CACNA1B: variants seen among roughly 807,000 people sequenced by gnomAD.
CACNA1B encodes voltage-dependent N-type calcium channel subunit alpha-1B.
A neutral mutation model predicts 247.2 loss-of-function variants in CACNA1B; 70 were observed. The observed-to-expected ratio is 0.28, with a 90% confidence interval of 0.23 to 0.35. The LOEUF (loss-of-function observed/expected upper bound fraction) is 0.35, where lower values mean the gene tolerates loss of function less well. CACNA1B is among the 10% of genes least tolerant of loss of function. The pLI, the probability that CACNA1B is intolerant of heterozygous loss-of-function variation, is 1.00. For synonymous variants in CACNA1B, 1,231 were observed against 1,294.4 expected (o/e 0.95, Z 1.05); for missense variants, 2,367 against 3,197.4 (o/e 0.74, Z 6.26).
At chr9:137,939,851 A>AAATAAATAAATAAAT (rs1564198569) in intron 6 of CACNA1B, among the ~76,000 whole-genome samples, 1 of 76,538 alleles carries the variant, frequency 1.3e-5, no homozygotes, top group African/African-American at 1.4e-4. Context: ...AATAAATAAA[A>AAATAAATAAATAAAT]AAAAATAAAA....
In CACNA1B at chr9:138,049,140, C is replaced by T. The variant is rs955226068; in HGVS notation, c.3604-69C>T. 7.8e-6 allele frequency: 8 copies of T among 1,026,476 alleles called. No individual in the cohort carries two copies. In the Admixed American group the frequency reaches 1.0e-4, roughly 13 times the overall value. 63.6% of individuals were successfully genotyped at this position (1,026,476 alleles called of 1,614,324 possible). ...CAAGTGCTGAGATTACAGGCATGAG[C>T]CTCTGCACCTGGCCTCTGCCTGTCT... On this transcript the variant is annotated intron_variant, in intron 23 of 46. Transcript: ENST00000371372.
chr9:137,994,383 A>C (rs1958471623), intron 15 of CACNA1B, among the ~76,000 whole-genome samples: 1 of 152,250 alleles, frequency 6.6e-6, no homozygotes, highest in South Asian at 2.1e-4. Flanking sequence ...AGGGCATCCA[A>C]ATCGGTAAAG....
At chr9:138,017,659 C>T (rs557235628) in intron 18 of CACNA1B, among the ~76,000 whole-genome samples, 2 of 152,314 alleles carry the variant, frequency 1.3e-5, no homozygotes, top group East Asian at 3.9e-4. Flanking sequence ...GTCTGTGATT[C>T]TCAGGAAGTC....
rs1032168612 is a variant in CACNA1B at position 138,020,266 on chromosome 9, C to G, written c.2268-2745C>G. On this transcript the variant is annotated intron_variant, in intron 18 of 46. Transcript: ENST00000371372. This position sits in a 1 kb window ranked among gnomAD's most constrained non-coding sequence, Gnocchi z 4.1. ...TCCTGTAGTTCCCCACAGCACCCAG[C>G]TGAGCATGGCTGAGCCCTCCTCCCT... 6.6e-6 allele frequency among the ~76,000 whole-genome samples: 1 copy of G among 152,184 alleles called. No homozygotes were observed. The highest frequency in any genetic ancestry group is 1.5e-5 in the Non-Finnish European group (1 of 68,034).
rs1958830723 is a variant in CACNA1B at position 138,020,461 on chromosome 9, CAG to C, written c.2268-2549_2268-2548del. Among the ~76,000 whole-genome samples the C allele has an allele frequency of 6.6e-6, 1 of 152,216 alleles. No individual in the cohort carries two copies. The highest frequency in any genetic ancestry group is 1.5e-5 in the Non-Finnish European group (1 of 68,040). On this transcript the variant is annotated intron_variant, in intron 18 of 46. Transcript: ENST00000371372. This position sits in a 1 kb window ranked among gnomAD's most constrained non-coding sequence, Gnocchi z 4.1. The stretch of plus-strand genomic sequence containing the variant: ...GTGCCAGATAGAGCAAGGACAGAGA[CAG>C]GGGCCAGGGGAGGTGCAGGCTGACT...
chr9:138,064,609 C>T (rs1166504868), intron 31 of CACNA1B, among the ~76,000 whole-genome samples: 2 of 152,264 alleles, frequency 1.3e-5, no homozygotes, highest in East Asian at 1.9e-4. Flanking sequence ...TCCTTGTTGG[C>T]AATGCCCCTT....
At chr9:137,969,228 C>G (rs1055964324) in intron 10 of CACNA1B, among the ~76,000 whole-genome samples, 1 of 152,240 alleles carries the variant, frequency 6.6e-6, no homozygotes, top group Admixed American at 6.5e-5. Flanking sequence ...CTTGCTCAGT[C>G]CCCTGGCTCT....
chr9:138,087,399 A>AG (rs906706083), intron 36 of CACNA1B, among the ~76,000 whole-genome samples: 5 of 144,598 alleles, frequency 3.5e-5, no homozygotes, highest in East Asian at 4.4e-4. Flanking sequence ...AAAAAAAAAA[A>AG]AAAAGAAAAA....
chr9:138,038,250 T>G (rs1171785076), intron 20 of CACNA1B, among the ~76,000 whole-genome samples: 1 of 152,236 alleles, frequency 6.6e-6, no homozygotes, highest in Admixed American at 6.5e-5. Context: ...CCCTTTCAAG[T>G]TGATCGTTCT....
At chr9:138,081,294 G>T (rs1339964209) in intron 36 of CACNA1B, among the ~76,000 whole-genome samples, 1 of 152,174 alleles carries the variant, frequency 6.6e-6, no homozygotes, top group Non-Finnish European at 1.5e-5. Context: ...CAGAGAAGAG[G>T]GTATTTCGTG....
Position 138,109,680 on chromosome 9 carries a change from AG to A in CACNA1B, c.5429-2717del, listed in dbSNP as rs553029476. On this transcript the variant is annotated intron_variant, in intron 39 of 46. Coordinates refer to ENST00000371372, the MANE Select transcript of CACNA1B (RefSeq NM_000718.4). The stretch of plus-strand genomic sequence containing the variant: ...CTACATGTGGACTGGAGTTGGGGAC[AG>A]CTTGATCCATAGCACATACCTTTTA... Among the ~76,000 whole-genome samples the A allele has an allele frequency of 4.0e-4, 61 of 152,354 alleles. No individual in the cohort carries two copies. In the East Asian group the frequency reaches 9.8e-3, roughly 25 times the overall value.
chr9:138,006,994 G>C (rs764268196), intron 16 of CACNA1B, 110 bp downstream of exon 16: 20 of 665,326 alleles, frequency 3.0e-5, no homozygotes, highest in Admixed American at 1.5e-4. Flanking sequence ...GACGTGAGAG[G>C]TGCATTCTCA....
chr9:137,984,554 G>T (rs1234027842), intron 13 of CACNA1B, among the ~76,000 whole-genome samples: 1 of 152,190 alleles, frequency 6.6e-6, no homozygotes, highest in Non-Finnish European at 1.5e-5. Context: ...GCCTTCAAAG[G>T]TGACTTTGCT....
At position 137,919,956 on chromosome 9, in the gene CACNA1B, G is replaced by A. The variant is rs1183267104; in HGVS notation, c.966+2525G>A. Among the ~76,000 whole-genome samples, 1 of 152,192 alleles carries A rather than the reference G, an allele frequency of 6.6e-6. No homozygotes were observed. The highest frequency in any genetic ancestry group is 1.5e-5 in the Non-Finnish European group (1 of 68,034). On this transcript the variant is annotated intron_variant, in intron 6 of 46. Transcript: ENST00000371372. The surrounding 1 kb of genome is among the most constrained non-coding windows in gnomAD (Gnocchi z 4.6). ...CACGGATGAGCCTGGGGAGAGACGA[G>A]TCGGCAGTAAATTCCTGTTAGGTCC...
chr9:137,901,258 C>T (rs1254269075), intron 3 of CACNA1B, among the ~76,000 whole-genome samples: 2 of 147,784 alleles, frequency 1.4e-5, no homozygotes, highest in Non-Finnish European at 3.0e-5. Context: ...CTCTGTGTTC[C>T]TGTGTCTGTG....
chr9:137,907,573 T>G (rs561453272), intron 3 of CACNA1B, among the ~76,000 whole-genome samples: 2 of 152,360 alleles, frequency 1.3e-5, no homozygotes, highest in Non-Finnish European at 2.9e-5. Context: ...GCCAATCGTT[T>G]TGAGCATCTT....
At chr9:138,021,954 TG>T (rs1360022793) in intron 18 of CACNA1B, among the ~76,000 whole-genome samples, 1 of 152,166 alleles carries the variant, frequency 6.6e-6, no homozygotes, top group African/African-American at 2.4e-5. Flanking sequence ...CTGGCGATGG[TG>T]GGGCTTAGTT....
intron 18 of CACNA1B, chr9:138,017,291 C>T (rs1381781595): frequency 2.1e-5 from 10 of 479,948 alleles, no homozygotes; most frequent in Admixed American, 4.4e-5. Context: ...GCTATCTCAC[C>T]GCAAGTCATT....
At chr9:137,985,500 G>A (rs1027456059) in intron 13 of CACNA1B, among the ~76,000 whole-genome samples, 1 of 152,238 alleles carries the variant, frequency 6.6e-6, no homozygotes, top group Non-Finnish European at 1.5e-5. Flanking sequence ...CCCAGGAGAA[G>A]GTTCAATTCC....
Sources: gnomAD v4.1 joint callset for allele counts (sites outside exome capture counted in the v4.1 genomes callset) on GRCh38, gnomAD v4.1.1 for gene constraint, Gnocchi (gnomAD v3.1) non-coding constraint, MANE v1.5 for transcripts, NCBI Gene and HGNC (gene_info 2026-07-23, HGNC 2026-07-21) for gene names.